DCDC1: variants seen among roughly 807,000 people sequenced by gnomAD.
The protein encoded by DCDC1 is doublecortin domain containing 1.
Under a neutral mutation model 178.3 loss-of-function variants are expected in DCDC1, and 200 were observed. That is an observed-to-expected ratio of 1.12 (90% CI 1.00 to 1.26). The LOEUF is 1.26. Among genes scored for constraint, DCDC1 ranks in the 50% most tolerant of loss-of-function variants. DCDC1 has a pLI of 0.00. For missense variants in DCDC1, 1,983 were observed against 1,749.2 expected (o/e 1.13, Z -2.38); for synonymous variants, 690 against 604.8 (o/e 1.14, Z -2.07).
chr11:31,298,568 T>G (rs1396179971), intron 6 of DCDC1, among the ~76,000 whole-genome samples: 2 of 152,338 alleles, frequency 1.3e-5, no homozygotes, highest in Non-Finnish European at 2.9e-5. Flanking sequence ...GAGAAACTTA[T>G]GTTCCAACCA....
intron 1 of DCDC1, among the ~76,000 whole-genome samples, chr11:31,352,935 A>G (rs1312226710): frequency 6.6e-6 from 1 of 152,174 alleles, no homozygotes; most frequent in African/African-American, 2.4e-5. Context: ...TAGAATGACT[A>G]TTTTATTGAC....
chr11:31,069,589 GA>G (rs1393677892), intron 18 of DCDC1, among the ~76,000 whole-genome samples: 1 of 152,136 alleles, frequency 6.6e-6, no homozygotes, highest in Non-Finnish European at 1.5e-5. Flanking sequence ...AACATTAAAA[GA>G]ATCGACTTCT....
At chr11:31,068,027 C>T (rs1245036075) in intron 18 of DCDC1, among the ~76,000 whole-genome samples, 3 of 151,850 alleles carry the variant, frequency 2.0e-5, no homozygotes, top group Non-Finnish European at 2.9e-5. Context: ...GAATTATATT[C>T]AAGAAATCTA....
chr11:31,272,098 G>A (rs1405667736), intron 7 of DCDC1, among the ~76,000 whole-genome samples: 1 of 151,794 alleles, frequency 6.6e-6, no homozygotes, highest in Non-Finnish European at 1.5e-5. Context: ...GCAGGCGGAG[G>A]CTGCAGTGAG....
intron 7 of DCDC1, among the ~76,000 whole-genome samples, chr11:31,268,265 C>T (rs1945311527): frequency 6.6e-6 from 1 of 152,244 alleles, no homozygotes. Context: ...CTAAGTAAAA[C>T]TATAATCTAC....
In DCDC1 at chr11:30,931,950, C is replaced by T. The variant is rs1162830544; in HGVS notation, c.2718G>A (p.Glu906=). 2 of 1,599,918 alleles carry T rather than the reference C, an allele frequency of 1.3e-6. No homozygotes were observed. The highest frequency in any genetic ancestry group is 1.7e-6 in the Non-Finnish European group (2 of 1,174,908). Residue 906 remains glutamate (E), a splice_region_variant and synonymous_variant, in exon 22 of 39, where the codon GAG becomes GAA. Coordinates refer to ENST00000684477, the MANE Select transcript of DCDC1 (RefSeq NM_001387274.1). Reference sequence around the variant, plus strand: ...GCAGTCCTTGTATTGGCCAATCAAACTCCTTCAGAAAGAAATGACAAAAAC... The same window carrying T: ...GCAGTCCTTGTATTGGCCAATCAAATTCCTTCAGAAAGAAATGACAAAAAC... ...PVLPSGQLNE[E]FDWPIQGLLV...
intron 22 of DCDC1, among the ~76,000 whole-genome samples, chr11:30,930,411 A>T (rs10835725): frequency 0.48 from 72,402 of 151,926 alleles, 18,535 homozygotes; most frequent in Middle Eastern, 0.6. Context: ...TCAGCAGAGA[A>T]ATTAAACTAT....
At chr11:31,106,257 C>T (rs1387882911) in intron 13 of DCDC1, among the ~76,000 whole-genome samples, 1 of 152,168 alleles carries the variant, frequency 6.6e-6, no homozygotes, top group African/African-American at 2.4e-5. Flanking sequence ...ACAAGCTTTA[C>T]CAATTTATCT....
chr11:30,948,442 T>C (rs894962566), intron 21 of DCDC1, among the ~76,000 whole-genome samples: 2 of 152,142 alleles, frequency 1.3e-5, no homozygotes, highest in South Asian at 4.1e-4. Context: ...AAGTAATTTA[T>C]AGATTCAGTG....
Position 30,865,214 on chromosome 11 carries a change from T to A in DCDC1, c.*159A>T, listed in dbSNP as rs1326948813. The A allele has an allele frequency of 1.3e-5, 2 of 152,214 alleles. No individual in the cohort carries two copies. Among genetic ancestry groups the A allele is most frequent in the Non-Finnish European group, 2.9e-5 (2 of 68,034 alleles). The allele number at this position is 152,214 out of a possible 1,614,324, so 9.4% of individuals were successfully genotyped here. ...AAATTTTACGACTAATTTTTTTTAA[T>A]AAACTATGCAGGATTGTTATTTAGA... On this transcript the variant is annotated 3_prime_UTR_variant, in exon 39 of 39. Coordinates refer to ENST00000684477, the MANE Select transcript of DCDC1 (RefSeq NM_001387274.1).
intron 20 of DCDC1, among the ~76,000 whole-genome samples, chr11:30,975,465 TA>T (rs964183136): frequency 1.3e-4 from 19 of 151,496 alleles, no homozygotes; most frequent in Middle Eastern, 3.4e-3. Flanking sequence ...CTTATAGCTA[TA>T]AAAAAAACAC....
At position 31,094,201 on chromosome 11, in the gene DCDC1, A is replaced by C. The variant is rs1399833227; in HGVS notation, c.1984-17T>G. 1 of 765,672 alleles carries C rather than the reference A, an allele frequency of 1.3e-6. No individual in the cohort carries two copies. The highest frequency in any genetic ancestry group is 1.7e-5 in the African/African-American group (1 of 59,118). The allele number at this position is 765,672 out of a possible 1,614,324, so 47.4% of individuals were successfully genotyped here. ...GGGATCTACCTGTATCATAAGAAGA[A>C]GTATGCATTTTTAACTCATAGTCTA... On this transcript the variant is annotated splice_polypyrimidine_tract_variant and intron_variant, in intron 15 of 38. Coordinates refer to ENST00000684477, the MANE Select transcript of DCDC1 (RefSeq NM_001387274.1).
intron 9 of DCDC1, among the ~76,000 whole-genome samples, chr11:31,152,944 C>T (rs907447835): frequency 1.1e-4 from 17 of 152,222 alleles, no homozygotes; most frequent in Admixed American, 5.9e-4. Context: ...TGGTTTCTTT[C>T]TCCATCCAGT....
At chr11:30,976,453 C>T (rs532028051) in intron 20 of DCDC1, among the ~76,000 whole-genome samples, 22 of 151,530 alleles carry the variant, frequency 1.5e-4, no homozygotes, top group Non-Finnish European at 1.5e-5. Context: ...GGCTGATATC[C>T]AGAATATACA....
chr11:31,139,551 A>C (rs1333931326), intron 9 of DCDC1, among the ~76,000 whole-genome samples: 1 of 152,188 alleles, frequency 6.6e-6, no homozygotes, highest in Non-Finnish European at 1.5e-5. Flanking sequence ...TTCTTTACAA[A>C]ATTTATTTCC....
intron 6 of DCDC1, among the ~76,000 whole-genome samples, chr11:31,297,768 C>T (rs1947804693): frequency 6.6e-6 from 1 of 152,186 alleles, no homozygotes; most frequent in Non-Finnish European, 1.5e-5. Context: ...TTATAAGAAT[C>T]AGGTTAAAAG....
At chr11:31,297,636 T>C (rs1443087719) in intron 6 of DCDC1, among the ~76,000 whole-genome samples, 1 of 152,166 alleles carries the variant, frequency 6.6e-6, no homozygotes. Flanking sequence ...TGAGCCACCA[T>C]GCCCGGCCCC....
chr11:30,987,189 G>C (rs966267150), intron 20 of DCDC1, among the ~76,000 whole-genome samples: 1 of 151,862 alleles, frequency 6.6e-6, no homozygotes, highest in African/African-American at 2.4e-5. Flanking sequence ...GCTAATTTTT[G>C]TATTTTTAGT....
chr11:31,168,337 A>G (rs893213101), intron 9 of DCDC1, among the ~76,000 whole-genome samples: 9 of 152,190 alleles, frequency 5.9e-5, no homozygotes, highest in Non-Finnish European at 1.3e-4. Context: ...CAATCCATAA[A>G]TTTATGATTT....
Sources: allele counts gnomAD v4.1 joint callset (sites outside exome capture counted in the v4.1 genomes callset), GRCh38; gene constraint gnomAD v4.1.1; transcripts MANE v1.5; gene names NCBI Gene and HGNC (gene_info 2026-07-23, HGNC 2026-07-21).